HCN4: variants seen among roughly 807,000 people sequenced by gnomAD.
The protein encoded by HCN4 is hyperpolarization activated cyclic nucleotide gated potassium channel 4.
HCN4 carries 29 observed loss-of-function variants against 76.9 expected under a neutral mutation model. That is an observed-to-expected ratio of 0.38 (90% confidence interval 0.28 to 0.51). The LOEUF (loss-of-function observed/expected upper bound fraction) is 0.51. HCN4 is among the 20% of genes least tolerant of loss of function. The pLI is 0.90. For synonymous variants in HCN4, 772 were observed against 762.5 expected, an observed-to-expected ratio of 1.01 and a Z score of -0.21; for missense variants, 1,416 against 1,715.2, an observed-to-expected ratio of 0.83 and a Z score of 3.08.
intron 3 of HCN4, among the ~76,000 whole-genome samples, chr15:73,331,583 AC>A (rs1423256475): frequency 6.6e-6 from 1 of 152,124 alleles, no homozygotes; most frequent in Non-Finnish European, 1.5e-5. Context: ...TGTGCTTGCC[AC>A]CACACCAGCT....
rs1004952899 is a variant in HCN4, at chr15:73,322,310, A to G, written c.*171T>C. ...AGTCTATAAAAGCAAGTGACCAAAA[A>G]TCTATAGCTCTAAGAATACCTGGTT... On this transcript the variant is annotated 3_prime_UTR_variant, in exon 8 of 8. Coordinates refer to ENST00000261917, the MANE Select transcript of HCN4 (RefSeq NM_005477.3). The G allele has an allele frequency of 1.4e-6, 1 of 690,662 alleles. No homozygotes were observed. Among genetic ancestry groups the G allele is most frequent in the African/African-American group, 1.8e-5 (1 of 55,646 alleles). The allele number at this position is 690,662 out of a possible 1,614,324, so 42.8% of individuals were successfully genotyped here.
intron 1 of HCN4, among the ~76,000 whole-genome samples, chr15:73,363,947 G>A (rs1386543517): frequency 6.6e-6 from 1 of 152,180 alleles, no homozygotes; most frequent in Non-Finnish European, 1.5e-5. Context: ...GGTGATGGGA[G>A]GTGAGTAATG....
At chr15:73,354,431 T>C (rs531166852) in intron 1 of HCN4, among the ~76,000 whole-genome samples, 1 of 152,282 alleles carries the variant, frequency 6.6e-6, no homozygotes, top group South Asian at 2.1e-4. Flanking sequence ...TGCACACACA[T>C]CACCTGGGGA....
chr15:73,331,784 A>T (rs948717264), intron 3 of HCN4, among the ~76,000 whole-genome samples: 3 of 152,156 alleles, frequency 2.0e-5, no homozygotes, highest in Admixed American at 1.3e-4. Context: ...TAAGGGGCAG[A>T]GGCAGGAGGC....
intron 1 of HCN4, among the ~76,000 whole-genome samples, chr15:73,351,408 C>T (rs935101229): frequency 3.9e-5 from 6 of 152,206 alleles, no homozygotes; most frequent in South Asian, 2.1e-4. Flanking sequence ...GGATGTCCCA[C>T]GGGAACCTCA....
intron 1 of HCN4, among the ~76,000 whole-genome samples, chr15:73,357,896 G>A (rs956535286): frequency 6.6e-6 from 1 of 152,178 alleles, no homozygotes; most frequent in African/African-American, 2.4e-5. Context: ...GACAGAGCCA[G>A]AAAGAGGGAG....
chr15:73,346,439 T>C (rs1325786336), intron 1 of HCN4, among the ~76,000 whole-genome samples: 1 of 152,090 alleles, frequency 6.6e-6, no homozygotes, highest in East Asian at 1.9e-4. Context: ...ATCAATAAAT[T>C]TGCAGGAAAG....
chr15:73,338,571 A>G (rs538181366), intron 2 of HCN4, among the ~76,000 whole-genome samples: 2 of 152,282 alleles, frequency 1.3e-5, no homozygotes, highest in African/African-American at 2.4e-5. Context: ...CACTCAGGAC[A>G]TGTTGGTTCC....
At position 73,328,007 on chromosome 15, in the gene HCN4, A is replaced by G. The variant is rs1030972026; in HGVS notation, c.1590+1566T>C. Among the ~76,000 whole-genome samples the G allele has an allele frequency of 1.3e-5, 2 of 152,208 alleles. No individual in the cohort carries two copies. Among genetic ancestry groups the G allele is most frequent in the African/African-American group, 4.8e-5 (2 of 41,470 alleles). On this transcript the variant is annotated intron_variant, in intron 4 of 7. Transcript: ENST00000261917. The surrounding 1 kb of genome is among the most constrained non-coding windows in gnomAD (Gnocchi z 4.0). ...TACTGTGTGCCAGGCATGGGGCATA[A>G]AACAGAAAACGACATACTGGGTCCT...
intron 1 of HCN4, among the ~76,000 whole-genome samples, chr15:73,353,644 G>A (rs2043064924): frequency 6.6e-6 from 1 of 152,102 alleles, no homozygotes; most frequent in African/African-American, 2.4e-5. Flanking sequence ...CTCTGAGGCA[G>A]AGCCACTGTC....
chr15:73,352,063 GC>G (rs1321572789), intron 1 of HCN4, among the ~76,000 whole-genome samples: 2 of 152,222 alleles, frequency 1.3e-5, no homozygotes, highest in Non-Finnish European at 2.9e-5. Flanking sequence ...CACAGGCGCT[GC>G]CCTGGCATAG....
chr15:73,367,936 C>A lies in HCN4; in HGVS notation c.335G>T (p.Gly112Val). ...SLGSRGGGSGGTGSGSSHGHL... is the reference protein window; with the variant it reads ...SLGSRGGGSGVTGSGSSHGHL... ...TCCGTGACTGCTGCCGCTCCCCGTG[C>A]CGCCGCTGCCGCCGCCCCGGCTGCC... is the stretch of plus-strand genomic sequence containing the variant. The change falls in exon 1 of 8, where the codon GGC becomes GTC. Residue 112 changes from glycine (G) to valine (V), a missense_variant. Physicochemically the swap from Gly to Val is moderately radical, Grantham distance 109. This residue lies in a region of HCN4 where 355 missense variants were observed against 347.8 expected (regional missense o/e 1.02). Transcript: ENST00000261917. The surrounding 1 kb of genome is among the most constrained non-coding windows in gnomAD (Gnocchi z 7.5). 1 of 1,355,666 alleles carries A rather than the reference C, an allele frequency of 7.4e-7. No homozygotes were observed. Among genetic ancestry groups the A allele is most frequent in the Non-Finnish European group, 9.5e-7 (1 of 1,058,180 alleles). 84.0% of individuals were successfully genotyped at this position (1,355,666 alleles called of 1,614,324 possible). A position where few individuals can be genotyped will look rare whatever the true frequency, so the allele number is the denominator to read the frequency against.
At chr15:73,341,632 T>C (rs1963360562) in intron 2 of HCN4, among the ~76,000 whole-genome samples, 1 of 152,162 alleles carries the variant, frequency 6.6e-6, no homozygotes, top group African/African-American at 2.4e-5. Context: ...GCCATTCCAC[T>C]ACACCGGGGT....
Position 73,323,779 on chromosome 15 carries a change from C to G in HCN4, c.2314G>C (p.Val772Leu), listed in dbSNP as rs776635828. Residue 772 changes from valine (V) to leucine (L), a missense_variant, in exon 8 of 8, where the codon GTC becomes CTC. Physicochemically the swap from Val to Leu is conservative, Grantham distance 32 (BLOSUM62 1). Around this residue, in one of 6 missense-constraint regions of HCN4, gnomAD observed 241 missense variants for 379.4 expected, o/e 0.64. Coordinates refer to ENST00000261917, the MANE Select transcript of HCN4 (RefSeq NM_005477.3). ...GCCTGGATCAGCGGGGTCCAGATGA[C>G]GGGCGTGGGGGTTGGGGTGGCAGAG... ...AASATPTPTP[V>L]IWTPLIQAPL... 6 of 1,607,692 alleles carry G rather than the reference C, an allele frequency of 3.7e-6. No homozygotes were observed. The highest frequency in any genetic ancestry group is 5.1e-6 in the Non-Finnish European group (6 of 1,178,870).
intron 2 of HCN4, among the ~76,000 whole-genome samples, chr15:73,338,344 C>T (rs1215807738): frequency 2.6e-5 from 4 of 152,226 alleles, no homozygotes; most frequent in South Asian, 2.1e-4. Context: ...AAGCCTTGCC[C>T]GTCAGGCGGT....
chr15:73,324,896 T>C (rs1595820764), intron 6 of HCN4, 59 bp downstream of exon 6: 1 of 1,606,522 alleles, frequency 6.2e-7, no homozygotes. Context: ...CCTCGGTATC[T>C]CCCCAAACCA....
In HCN4 at chr15:73,321,043, G is replaced by GT. The variant is rs1382308109; in HGVS notation, c.*1437dup. ...GATTTTTTATTGAGCACCTACCATGGTATGTGCCAGGCGCTGGGCTGGGCA... is the reference window on the plus strand; with the variant it reads ...GATTTTTTATTGAGCACCTACCATGGTTATGTGCCAGGCGCTGGGCTGGGCA... On this transcript the variant is annotated 3_prime_UTR_variant, in exon 8 of 8. Coordinates refer to ENST00000261917, the MANE Select transcript of HCN4 (RefSeq NM_005477.3). 6.6e-6 allele frequency: 1 copy of GT among 152,226 alleles called. No individual in the cohort carries two copies. The highest frequency in any genetic ancestry group is 2.4e-5 in the African/African-American group (1 of 41,452). 9.4% of individuals were successfully genotyped at this position (152,226 alleles called of 1,614,324 possible).
At position 73,343,251 on chromosome 15, in the gene HCN4, A is replaced by G; in HGVS notation, c.1209+134T>C. 2 of 801,386 alleles carry G rather than the reference A, an allele frequency of 2.5e-6. No individual in the cohort carries two copies. Among genetic ancestry groups the G allele is most frequent in the Non-Finnish European group, 4.2e-6 (2 of 476,876 alleles). The allele number at this position is 801,386 out of a possible 1,614,324, so 49.6% of individuals were successfully genotyped here. On this transcript the variant is annotated intron_variant, in intron 2 of 7. Transcript: ENST00000261917. The surrounding 1 kb of genome is among the most constrained non-coding windows in gnomAD (Gnocchi z 5.7). The stretch of plus-strand genomic sequence containing the variant: ...GATAAGAGGTCAAGAACTTACTAGT[A>G]TTTGTCCTCTTGGAGCAGGTGTGCC...
At position 73,325,193 on chromosome 15, in the gene HCN4, C is replaced by T. The variant is rs1384829419; in HGVS notation, c.1740G>A (p.Glu580=). 1.2e-6 allele frequency: 2 copies of T among 1,614,032 alleles called. No homozygotes were observed. The highest frequency in any genetic ancestry group is 1.3e-5 in the African/African-American group (1 of 74,942). ...GCTTCCGACAGTTAAAGTTGATGAT[C>T]TCCTGCCGGACAGGGTGGATTGGGA... ...LGELSEPLRE[E]IINFNCRKLV... is the part of the protein sequence containing the mutation. Residue 580 remains glutamate, a splice_region_variant and synonymous_variant, in exon 6 of 8, where the codon GAG becomes GAA. Coordinates refer to ENST00000261917, the MANE Select transcript of HCN4 (RefSeq NM_005477.3). This position sits in a 1 kb window ranked among gnomAD's most constrained non-coding sequence, Gnocchi z 7.4.
Sources: allele counts gnomAD v4.1 joint callset (sites outside exome capture counted in the v4.1 genomes callset), GRCh38; gene constraint gnomAD v4.1.1; regional missense constraint gnomAD v4.1.1; non-coding constraint Gnocchi (gnomAD v3.1); transcripts MANE v1.5; gene names NCBI Gene and HGNC (gene_info 2026-07-23, HGNC 2026-07-21).